PCSK6: variants seen among roughly 807,000 people sequenced by gnomAD.
The protein encoded by PCSK6 is paired basic amino acid cleaving enzyme 4.
PCSK6 carries 85 observed loss-of-function variants against 123.3 expected under a neutral mutation model. That is an observed-to-expected ratio of 0.69 (90% confidence interval 0.58 to 0.83). The LOEUF is 0.83. Among genes scored for constraint, PCSK6 ranks in the 40% least tolerant of loss-of-function variants. The pLI, the probability that PCSK6 is intolerant of heterozygous loss-of-function variation, is 0.00. For missense variants in PCSK6, 1,191 were observed against 1,282.3 expected (o/e 0.93, Z 1.09); for synonymous variants, 508 against 516.0 (o/e 0.98, Z 0.21).
intron 20 of PCSK6, among the ~76,000 whole-genome samples, chr15:101,309,494 A>C (rs2039803522): frequency 6.6e-6 from 1 of 152,222 alleles, no homozygotes; most frequent in South Asian, 2.1e-4. Flanking sequence ...TTGCCCTGCC[A>C]CATTCTGGAA....
At chr15:101,347,058 C>T in intron 13 of PCSK6, 1 of 1,231,678 alleles carries the variant, frequency 8.1e-7, no homozygotes, top group Non-Finnish European at 1.0e-6. Context: ...TGTATGGTGA[C>T]TGTTTGGAGA....
At chr15:101,405,618 A>G (rs1251483822) in intron 6 of PCSK6, among the ~76,000 whole-genome samples, 3 of 152,084 alleles carry the variant, frequency 2.0e-5, no homozygotes, top group Non-Finnish European at 4.4e-5. Flanking sequence ...CCTAAACCCA[A>G]TAATATTTTA....
intron 6 of PCSK6, among the ~76,000 whole-genome samples, chr15:101,422,388 C>G (rs1283245020): frequency 6.6e-6 from 1 of 152,142 alleles, no homozygotes; most frequent in Non-Finnish European, 1.5e-5. Context: ...CAGCTGCTGC[C>G]CACTACAGGG....
chr15:101,347,756 C>A, intron 13 of PCSK6: 1 of 1,613,904 alleles, frequency 6.2e-7, no homozygotes, highest in Non-Finnish European at 8.5e-7. Flanking sequence ...GCCACCGGAA[C>A]ACGTGTTTTA....
chr15:101,348,174 G>GCCT (rs149793775), intron 13 of PCSK6, among the ~76,000 whole-genome samples: 8 of 151,882 alleles, frequency 5.3e-5, no homozygotes, highest in Non-Finnish European at 1.2e-4. Context: ...GGGTCGGACC[G>GCCT]GCCCCTGCGC....
chr15:101,393,839 T>A (rs114186580), intron 7 of PCSK6, among the ~76,000 whole-genome samples: 1 of 152,234 alleles, frequency 6.6e-6, no homozygotes, highest in African/African-American at 2.4e-5. Flanking sequence ...AACTTTAATT[T>A]TTCTGGGTTG....
At chr15:101,313,894 G>C in intron 19 of PCSK6, 1 of 169,664 alleles carries the variant, frequency 5.9e-6, no homozygotes, top group South Asian at 1.7e-4. Context: ...ATGGATACAT[G>C]TTGAAATGGC....
At chr15:101,364,983 G>C (rs778873673) in intron 13 of PCSK6, 2 of 778,358 alleles carry the variant, frequency 2.6e-6, no homozygotes, top group African/African-American at 1.7e-5. Flanking sequence ...ACAGAATCGA[G>C]AGTGTGGAAA....
At chr15:101,462,938 C>T in intron 1 of PCSK6, 1 of 446,746 alleles carries the variant, frequency 2.2e-6, no homozygotes, top group Non-Finnish European at 4.5e-6. Context: ...CACCAGCTTG[C>T]AAGGCAGCAG....
At chr15:101,487,610 T>C (rs2058049231) in intron 1 of PCSK6, among the ~76,000 whole-genome samples, 1 of 152,232 alleles carries the variant, frequency 6.6e-6, no homozygotes, top group African/African-American at 2.4e-5. Flanking sequence ...ATTCTGCTCA[T>C]TTAATTTTAG....
In PCSK6 at chr15:101,318,358, T is replaced by C; in HGVS notation, c.2530A>G (p.Arg844Gly). 1.3e-6 allele frequency: 2 copies of C among 1,565,732 alleles called. No individual in the cohort carries two copies. The highest frequency in any genetic ancestry group is 2.4e-5 in the East Asian group (1 of 41,938). Residue 844 changes from arginine (R) to glycine (G), a missense_variant, in exon 19 of 22, where the codon AGA becomes GGA. Physicochemically the swap from Arg to Gly is moderately radical, Grantham distance 125 (BLOSUM62 -2). Coordinates refer to ENST00000611716, the MANE Select transcript of PCSK6 (RefSeq NM_002570.5). ...PGTYFDSELI[R>G]CGECHHTCGT... is the part of the protein sequence containing the mutation. ...CAGGTGTGATGGCATTCCCCACATCTGATCAGCTCTGAGTCAAAGTAGGTG... is the reference window on the plus strand; with the variant it reads ...CAGGTGTGATGGCATTCCCCACATCCGATCAGCTCTGAGTCAAAGTAGGTG...
At chr15:101,371,859 A>G (rs1397226526) in intron 11 of PCSK6, among the ~76,000 whole-genome samples, 1 of 152,234 alleles carries the variant, frequency 6.6e-6, no homozygotes. Flanking sequence ...TCCTGCAGAA[A>G]GCAGGGTCCC....
chr15:101,356,429 G>A (rs1041278252), intron 13 of PCSK6, among the ~76,000 whole-genome samples: 1 of 151,088 alleles, frequency 6.6e-6, no homozygotes, highest in Admixed American at 6.6e-5. Context: ...GGAGGCCGAG[G>A]TGGGCAGATC....
chr15:101,319,287 T>C (rs1596176115), intron 18 of PCSK6, among the ~76,000 whole-genome samples: 3 of 152,316 alleles, frequency 2.0e-5, no homozygotes, highest in Admixed American at 2.0e-4. Context: ...GTCTGTGACG[T>C]ACATGTTCTA....
intron 1 of PCSK6, among the ~76,000 whole-genome samples, chr15:101,483,911 G>GC (rs2057954610): frequency 6.6e-6 from 1 of 152,236 alleles, no homozygotes; most frequent in Non-Finnish European, 1.5e-5. Flanking sequence ...CCTGCCTCCA[G>GC]CGGTGGGCTT....
At chr15:101,461,491 A>T (rs6598478) in intron 1 of PCSK6, among the ~76,000 whole-genome samples, 126,507 of 152,126 alleles carry the variant, frequency 0.83, 53,177 homozygotes, top group African/African-American at 0.93. Context: ...AAAAGTAAAA[A>T]TTTATCAGGC....
intron 16 of PCSK6, 61 bp downstream of exon 16, chr15:101,326,316 C>A: frequency 7.5e-7 from 1 of 1,328,730 alleles, no homozygotes; most frequent in Non-Finnish European, 1.1e-6. Flanking sequence ...CATGGAGGGG[C>A]TAAGGATACA....
intron 6 of PCSK6, among the ~76,000 whole-genome samples, chr15:101,402,573 A>G (rs1340323860): frequency 1.3e-5 from 2 of 152,242 alleles, no homozygotes. Flanking sequence ...CAAATTTACA[A>G]GAAAGAAACA....
chr15:101,447,189 G>A (rs1054022103), intron 1 of PCSK6, among the ~76,000 whole-genome samples: 1 of 152,136 alleles, frequency 6.6e-6, no homozygotes, highest in Non-Finnish European at 1.5e-5. Flanking sequence ...AGGAGGTTCT[G>A]CCCCTCCCCA....
Sources: allele counts gnomAD v4.1 joint callset (sites outside exome capture counted in the v4.1 genomes callset), GRCh38; gene constraint gnomAD v4.1.1; transcripts MANE v1.5; gene names NCBI Gene and HGNC (gene_info 2026-07-23, HGNC 2026-07-21).